SLAIN1: variants seen among roughly 807,000 people sequenced by gnomAD.
The protein encoded by SLAIN1 is SLAIN motif-containing protein 1.
A neutral mutation model predicts 55.4 loss-of-function variants in SLAIN1; 17 were observed. The ratio of observed to expected loss-of-function variants is 0.31; its 90% CI spans 0.21 to 0.46. The LOEUF (loss-of-function observed/expected upper bound fraction) is 0.46, where lower values mean the gene tolerates loss of function less well. Ranked by LOEUF, SLAIN1 falls within the 20% of genes least tolerant of loss-of-function variation. The pLI is 1.00. For missense variants in SLAIN1, 682 were observed against 785.1 expected (o/e 0.87, Z 1.57); for synonymous variants, 348 against 337.4 (o/e 1.03, Z -0.35).
intron 3 of SLAIN1, among the ~76,000 whole-genome samples, chr13:77,745,888 G>A (rs1873778634): frequency 6.6e-6 from 1 of 152,072 alleles, no homozygotes; most frequent in African/African-American, 2.4e-5. Context: ...TACTGGCAAT[G>A]GGTTAAATAA....
intron 5 of SLAIN1, among the ~76,000 whole-genome samples, chr13:77,754,895 A>G (rs1874489664): frequency 6.6e-6 from 1 of 152,194 alleles, no homozygotes; most frequent in Admixed American, 6.5e-5. Context: ...GCTTGAATGA[A>G]TGCCACAGGA....
chr13:77,714,276 T>C lies in SLAIN1; in HGVS notation c.627-5256T>C, dbSNP rs553368648. Among the ~76,000 whole-genome samples the C allele has an allele frequency of 1.1e-4, 16 of 152,240 alleles. No homozygotes were observed. In the South Asian group the frequency reaches 2.5e-3, roughly 24 times the overall value. ...TGTCAGGGCTGTGGTATTCATGGCTTTTTACATACGTGGTAGATGGCAGCT... is the reference window on the plus strand; with the variant it reads ...TGTCAGGGCTGTGGTATTCATGGCTCTTTACATACGTGGTAGATGGCAGCT... On this transcript the variant is annotated intron_variant, in intron 1 of 6. Transcript: ENST00000418532.
At chr13:77,717,981 A>C (rs1645624311) in intron 1 of SLAIN1, among the ~76,000 whole-genome samples, 2 of 152,092 alleles carry the variant, frequency 1.3e-5, no homozygotes, top group African/African-American at 4.8e-5. Context: ...GGAAGGGATT[A>C]TTACCTACAT....
intron 2 of SLAIN1, among the ~76,000 whole-genome samples, chr13:77,739,826 T>C (rs1194725032): frequency 6.6e-6 from 1 of 152,108 alleles, no homozygotes; most frequent in Non-Finnish European, 1.5e-5. Context: ...CTAGTTTTTT[T>C]GGTCATACTT....
At chr13:77,737,920 A>C (rs1233170978) in intron 2 of SLAIN1, among the ~76,000 whole-genome samples, 1 of 152,084 alleles carries the variant, frequency 6.6e-6, no homozygotes, top group Non-Finnish European at 1.5e-5. Context: ...GGCATCTGAT[A>C]TGCTATAGCC....
intron 1 of SLAIN1, among the ~76,000 whole-genome samples, chr13:77,718,770 T>C (rs937307403): frequency 6.6e-6 from 1 of 152,096 alleles, no homozygotes; most frequent in African/African-American, 2.4e-5. Context: ...TGTTTATTCC[T>C]CAAGATAAAC....
chr13:77,745,249 C>A (rs529957829), intron 3 of SLAIN1, among the ~76,000 whole-genome samples: 7 of 151,734 alleles, frequency 4.6e-5, no homozygotes, highest in South Asian at 2.1e-4. Flanking sequence ...ACACACACAC[C>A]CCCACACACC....
At chr13:77,751,307 A>AAT (rs1232625900) in intron 4 of SLAIN1, among the ~76,000 whole-genome samples, 7 of 152,024 alleles carry the variant, frequency 4.6e-5, no homozygotes, top group African/African-American at 1.7e-4. Context: ...AATCTTTAAT[A>AAT]TTTATTTTAT....
intron 3 of SLAIN1, among the ~76,000 whole-genome samples, chr13:77,745,996 A>G (rs1051662067): frequency 6.6e-6 from 1 of 152,122 alleles, no homozygotes; most frequent in African/African-American, 2.4e-5. Flanking sequence ...TGAAAGAGAT[A>G]ATATTAGTAA....
At chr13:77,745,346 T>A (rs1030128327) in intron 3 of SLAIN1, among the ~76,000 whole-genome samples, 1 of 152,022 alleles carries the variant, frequency 6.6e-6, no homozygotes, top group Non-Finnish European at 1.5e-5. Context: ...ATGTTACCAC[T>A]GGGGGAAACT....
At chr13:77,720,733 G>T (rs558000166) in intron 2 of SLAIN1, among the ~76,000 whole-genome samples, 22 of 152,254 alleles carry the variant, frequency 1.4e-4, no homozygotes, top group African/African-American at 5.1e-4. Flanking sequence ...CAGAGCCAGG[G>T]TCTCTCTGAA....
intron 5 of SLAIN1, among the ~76,000 whole-genome samples, chr13:77,756,406 G>A (rs1009746783): frequency 1.4e-4 from 21 of 152,012 alleles, no homozygotes; most frequent in African/African-American, 5.1e-4. Context: ...TTTCTATATA[G>A]AGGTTTTATG....
intron 2 of SLAIN1, among the ~76,000 whole-genome samples, chr13:77,736,654 C>G (rs1873134547): frequency 6.6e-6 from 1 of 152,136 alleles, no homozygotes. Flanking sequence ...TTCCTTATGT[C>G]TTCTGCTGAA....
At chr13:77,748,734 T>C (rs766074739) in intron 4 of SLAIN1, among the ~76,000 whole-genome samples, 4 of 152,182 alleles carry the variant, frequency 2.6e-5, no homozygotes, top group Admixed American at 2.0e-4. Flanking sequence ...CTTCTGGATA[T>C]GACTTCTGAC....
intron 3 of SLAIN1, among the ~76,000 whole-genome samples, chr13:77,745,667 C>G (rs1873764040): frequency 6.6e-6 from 1 of 151,994 alleles, no homozygotes; most frequent in Non-Finnish European, 1.5e-5. Context: ...TTCCTGTTTT[C>G]AGAATTAGTC....
At chr13:77,751,930 T>C (rs187215893) in intron 4 of SLAIN1, among the ~76,000 whole-genome samples, 2 of 152,072 alleles carry the variant, frequency 1.3e-5, no homozygotes, top group Non-Finnish European at 2.9e-5. Context: ...TTTTGGGGGA[T>C]GTGTATTGAT....
intron 1 of SLAIN1, among the ~76,000 whole-genome samples, chr13:77,703,279 C>T (rs77310582): frequency 0.043 from 6,614 of 152,184 alleles, 237 homozygotes; most frequent in Admixed American, 0.079. Context: ...AGATATTCAT[C>T]TTCCACATGT....
intron 4 of SLAIN1, among the ~76,000 whole-genome samples, chr13:77,748,398 C>CTTTTTTTTTTT (rs934265928): frequency 1.3e-5 from 1 of 79,554 alleles, no homozygotes; most frequent in East Asian, 3.5e-4. Context: ...TTCTCTAAAG[C>CTTTTTTTTTTT]TTTTTTTTTT....
intron 4 of SLAIN1, among the ~76,000 whole-genome samples, chr13:77,749,653 G>C (rs1874072821): frequency 6.6e-6 from 1 of 152,132 alleles, no homozygotes. Flanking sequence ...TTAAACTGCT[G>C]ATTTCTTGTG....
Sources: gnomAD v4.1 joint callset for allele counts (sites outside exome capture counted in the v4.1 genomes callset) on GRCh38, gnomAD v4.1.1 for gene constraint, MANE v1.5 for transcripts, NCBI Gene and HGNC (gene_info 2026-07-23, HGNC 2026-07-21) for gene names.